FRAS1: variants seen among roughly 807,000 people sequenced by gnomAD.
FRAS1 encodes the protein extracellular matrix organizing protein FRAS1.
In FRAS1, 290 loss-of-function variants were observed where a neutral mutation model predicts 435.2. The ratio of observed to expected loss-of-function variants is 0.67; its 90% CI spans 0.61 to 0.73. The LOEUF (loss-of-function observed/expected upper bound fraction) is 0.73. FRAS1 is among the 30% of genes least tolerant of loss of function. The probability of loss-of-function intolerance (pLI) is 0.00; values close to 1 mark genes in which losing one functional copy is unlikely to be tolerated. For missense variants in FRAS1, 4,860 were observed against 5,001.5 expected, an observed-to-expected ratio of 0.97 and a Z score of 0.85; for synonymous variants, 1,800 against 1,851.0, an observed-to-expected ratio of 0.97 and a Z score of 0.71.
intron 9 of FRAS1, among the ~76,000 whole-genome samples, chr4:78,268,541 G>A (rs1046772841): frequency 3.3e-4 from 50 of 152,290 alleles, no homozygotes; most frequent in African/African-American, 1.2e-3. Flanking sequence ...GGGCTTCCCT[G>A]CCTCGGCAGT....
rs376184072 is a variant in FRAS1, at chr4:78,339,832, T to C, written c.2422+2015T>C. Among the ~76,000 whole-genome samples, 165 of 152,326 alleles carry C rather than the reference T, an allele frequency of 1.1e-3. 1 individual carries two copies. Among genetic ancestry groups the C allele is most frequent in the African/African-American group, 3.7e-3 (153 of 41,562 alleles). On this transcript the variant is annotated intron_variant, in intron 20 of 73. Transcript: ENST00000512123. ...TGAGAGTTTTGGAGAGGACTGTAGC[T>C]TGACTAAGGGTGTCTTAAGGCAAGA...
At chr4:78,250,778 T>C (rs902523141) in intron 4 of FRAS1, among the ~76,000 whole-genome samples, 1 of 152,202 alleles carries the variant, frequency 6.6e-6, no homozygotes, top group African/African-American at 2.4e-5. Flanking sequence ...TTCCCTTCAC[T>C]GTAGCTTCAC....
At chr4:78,211,244 G>C (rs62309968) in intron 2 of FRAS1, among the ~76,000 whole-genome samples, 1 of 151,990 alleles carries the variant, frequency 6.6e-6, no homozygotes, top group African/African-American at 2.4e-5. Flanking sequence ...CTGGGTGGTG[G>C]TTGCATCACT....
At chr4:78,368,395 A>T (rs1213825038) in intron 22 of FRAS1, among the ~76,000 whole-genome samples, 1 of 151,264 alleles carries the variant, frequency 6.6e-6, no homozygotes, top group African/African-American at 2.4e-5. Flanking sequence ...TATCATATAG[A>T]TCTAAAACTC....
chr4:78,421,931 G>T lies in FRAS1; in HGVS notation c.4609G>T (p.Gly1537Cys). Residue 1537 changes from glycine (G) to cysteine (C), a missense_variant, in exon 34 of 74, where the codon GGC (glycine) becomes TGC (cysteine). Physicochemically the swap from Gly to Cys is radical, Grantham distance 159. Coordinates refer to ENST00000512123, the MANE Select transcript of FRAS1 (RefSeq NM_025074.7). The part of the protein sequence containing the change: ...RYFTQEDINQ[G>C]KVMYRPPPAA... ...TTTCACGCAAGAGGATATTAACCAGGGCAAAGTCATGTACCGCCCTCCCCC... is the reference window on the plus strand; with the variant it reads ...TTTCACGCAAGAGGATATTAACCAGTGCAAAGTCATGTACCGCCCTCCCCC... The T allele has an allele frequency of 6.2e-7, 1 of 1,613,658 alleles. No individual in the cohort carries two copies. The highest frequency in any genetic ancestry group is 8.5e-7 in the Non-Finnish European group (1 of 1,179,772).
chr4:78,297,101 G>T (rs1028994798), intron 14 of FRAS1, among the ~76,000 whole-genome samples: 1 of 152,198 alleles, frequency 6.6e-6, no homozygotes, highest in Non-Finnish European at 1.5e-5. Context: ...AGATGAGAAT[G>T]AAAGCTGGCA....
chr4:78,170,779 A>T (rs1721517030), intron 2 of FRAS1, among the ~76,000 whole-genome samples: 1 of 152,042 alleles, frequency 6.6e-6, no homozygotes, highest in African/African-American at 2.4e-5. Flanking sequence ...TACCATCCTC[A>T]TTATTCTTTA....
At position 78,520,104 on chromosome 4, in the gene FRAS1, CCCACACCTCACCCCCACTCAGTTT is replaced by C. The variant is rs1185304335; in HGVS notation, c.10540+656_10540+679del. Among the ~76,000 whole-genome samples the C allele has an allele frequency of 1.2e-3, 184 of 152,028 alleles. 1 individual carries two copies. Among genetic ancestry groups the C allele is most frequent in the African/African-American group, 4.2e-3 (176 of 41,482 alleles). Reference sequence around the variant, plus strand: ...TGGGAGGCAGCCCTTCAGCTGGGAGCCCACACCTCACCCCCACTCAGTTTCCACACCTCACCCCCACTCAGTTTC... The same window carrying C: ...TGGGAGGCAGCCCTTCAGCTGGGAGCCCACACCTCACCCCCACTCAGTTTC... On this transcript the variant is annotated intron_variant, in intron 67 of 73. Coordinates refer to ENST00000512123, the MANE Select transcript of FRAS1 (RefSeq NM_025074.7).
chr4:78,375,282 G>C (rs114760050), intron 25 of FRAS1, among the ~76,000 whole-genome samples: 2 of 152,072 alleles, frequency 1.3e-5, no homozygotes, highest in African/African-American at 4.8e-5. Context: ...CACTGTTTTC[G>C]TCATTGCACA....
chr4:78,387,513 G>A lies in FRAS1; in HGVS notation c.3787G>A (p.Gly1263Ser), dbSNP rs1440964446. 10 of 1,613,140 alleles carry A rather than the reference G, an allele frequency of 6.2e-6. No individual in the cohort carries two copies. Among genetic ancestry groups the A allele is most frequent in the Non-Finnish European group, 8.5e-6 (10 of 1,179,724 alleles). ...VIEIIDPPLHGQLLQTLQSPA... is the reference protein window; with the variant it reads ...VIEIIDPPLHSQLLQTLQSPA... ...TGAAATAATCGATCCTCCACTTCAT[G>A]GCCAATTGCTTCAGACACTTCAGTC... The change falls in exon 29 of 74, where the codon GGC (glycine) becomes AGC (serine). Residue 1263 changes from glycine (G) to serine (S), a missense_variant. By Grantham distance (56) the Gly-to-Ser change is moderately conservative. Transcript: ENST00000512123.
At chr4:78,456,136 C>A (rs1578335652) in intron 47 of FRAS1, among the ~76,000 whole-genome samples, 1 of 66,084 alleles carries the variant, frequency 1.5e-5, no homozygotes, top group African/African-American at 7.3e-5. Flanking sequence ...GAACACATGT[C>A]ACTTTTTTTT....
intron 64 of FRAS1, 38 bp from the exon 65 acceptor site, chr4:78,513,354 A>C: frequency 6.2e-6 from 10 of 1,603,276 alleles, no homozygotes; most frequent in Non-Finnish European, 8.5e-6. Flanking sequence ...CATTTATAGC[A>C]GTCAGCTAAA....
intron 2 of FRAS1, among the ~76,000 whole-genome samples, chr4:78,096,367 C>G (rs539802942): frequency 5.1e-4 from 77 of 152,270 alleles, no homozygotes; most frequent in Non-Finnish European, 6.3e-4. Flanking sequence ...TCTACCATTC[C>G]GGGGTCTGGA....
chr4:78,252,683 A>T, intron 5 of FRAS1, 132 bp downstream of exon 5: 1 of 865,072 alleles, frequency 1.2e-6, no homozygotes, highest in Non-Finnish European at 1.8e-6. Flanking sequence ...TGAGAAATAG[A>T]AAGAGTACAA....
At chr4:78,073,160 G>A (rs1159046711) in intron 2 of FRAS1, among the ~76,000 whole-genome samples, 3 of 152,078 alleles carry the variant, frequency 2.0e-5, no homozygotes, top group Admixed American at 2.0e-4. Context: ...TCCTTGCTGG[G>A]TTTTTATAAA....
intron 2 of FRAS1, among the ~76,000 whole-genome samples, chr4:78,123,833 C>A (rs761262160): frequency 2.0e-5 from 3 of 152,144 alleles, no homozygotes; most frequent in Non-Finnish European, 4.4e-5. Flanking sequence ...ATTTTGTATT[C>A]TGATATTTGC....
chr4:78,454,015 C>T (rs750669676), intron 47 of FRAS1, among the ~76,000 whole-genome samples: 8 of 152,124 alleles, frequency 5.3e-5, no homozygotes, highest in Middle Eastern at 3.4e-3. Context: ...CAAGCAAGCA[C>T]GTATATGCTG....
At position 78,317,453 on chromosome 4, in the gene FRAS1, C is replaced by T. The variant is rs1406270521; in HGVS notation, c.1905C>T (p.Gly635=). The change falls in exon 17 of 74, where the codon GGC becomes GGT. Residue 635 remains glycine, a synonymous_variant. Transcript: ENST00000512123. The part of the protein sequence containing the change: ...ACSPPKALRQ[G]HCLPRCGEGF... ...GCCCCCCCAAGGCTCTGCGTCAAGG[C>T]CACTGTCTGCCCCGCTGTGGAGAGG... is the stretch of plus-strand genomic sequence containing the variant. 12 of 1,613,786 alleles carry T rather than the reference C, an allele frequency of 7.4e-6. No individual in the cohort carries two copies. In the East Asian group the frequency reaches 2.0e-4, roughly 27 times the overall value.
In FRAS1 at chr4:78,387,327, G is replaced by T. The variant is rs778425454; in HGVS notation, c.3649-48G>T. 10 of 1,396,962 alleles carry T rather than the reference G, an allele frequency of 7.2e-6. No homozygotes were observed. The South Asian group carries it at 1.1e-4, about 15-fold the overall frequency. 86.5% of individuals were successfully genotyped at this position (1,396,962 alleles called of 1,614,324 possible). A position where few individuals can be genotyped will look rare whatever the true frequency, so the allele number is the denominator to read the frequency against. ...AATCAGGTATCTAGTCCACTGGATT[G>T]TCCTTTCTTTCCCTCTTAACTGACT... On this transcript the variant is annotated intron_variant, in intron 28 of 73. Transcript: ENST00000512123.
Sources: gnomAD v4.1 joint callset for allele counts (sites outside exome capture counted in the v4.1 genomes callset) on GRCh38, gnomAD v4.1.1 for gene constraint, MANE v1.5 for transcripts, NCBI Gene and HGNC (gene_info 2026-07-23, HGNC 2026-07-21) for gene names.